Variants in NBR1 observed in about 807,000 individuals in gnomAD.
NBR1 encodes next to BRCA1 gene 1 protein.
A neutral mutation model predicts 115.5 loss-of-function variants in NBR1; 59 were observed. The ratio of observed to expected loss-of-function variants is 0.51; its 90% CI spans 0.41 to 0.63. The LOEUF (loss-of-function observed/expected upper bound fraction) is 0.63, where lower values mean the gene tolerates loss of function less well. Among genes scored for constraint, NBR1 ranks in the 30% least tolerant of loss-of-function variants. The pLI is 0.00. For missense variants in NBR1, 1,043 were observed against 1,150.5 expected, an observed-to-expected ratio of 0.91 and a Z score of 1.35; for synonymous variants, 373 against 414.7, an observed-to-expected ratio of 0.90 and a Z score of 1.22.
At chr17:43,195,336 C>T in intron 14 of NBR1, 1 of 354,444 alleles carries the variant, frequency 2.8e-6, no homozygotes. Flanking sequence ...ACCCCCATCT[C>T]TACAAAAATT....
chr17:43,179,584 A>C (rs1207095875), intron 4 of NBR1, among the ~76,000 whole-genome samples, 172 bp downstream of exon 4: 1 of 152,150 alleles, frequency 6.6e-6, no homozygotes. Context: ...TATATATAGG[A>C]TGATGCCTTT....
chr17:43,209,559 T>A, intron 20 of NBR1: 1 of 1,534,170 alleles, frequency 6.5e-7, no homozygotes, highest in Non-Finnish European at 8.7e-7. Context: ...GTTCACAGGG[T>A]CTCTGGGGCT....
At chr17:43,190,803 AT>A (rs2056927914) in intron 9 of NBR1, 27 bp downstream of exon 9, 5 of 1,551,440 alleles carry the variant, frequency 3.2e-6, no homozygotes, top group East Asian at 2.3e-5. Flanking sequence ...GGAGATGCTT[AT>A]TCTCTGATTG....
chr17:43,174,625 T>G (rs1395901895), intron 1 of NBR1, among the ~76,000 whole-genome samples: 1 of 151,718 alleles, frequency 6.6e-6, no homozygotes. Context: ...TAATATAAAA[T>G]AATTATATTA....
chr17:43,175,065 C>T (rs2056473775), intron 1 of NBR1, among the ~76,000 whole-genome samples: 1 of 152,064 alleles, frequency 6.6e-6, no homozygotes, highest in Non-Finnish European at 1.5e-5. Flanking sequence ...TGCCACTGCA[C>T]CCCAGCCTGG....
In NBR1 at chr17:43,193,526, G is replaced by A. The variant is rs1424202402; in HGVS notation, c.1412G>A (p.Arg471Gln). ...CACAAAGGCCAGCAATTTGGGCCTC[G>A]GGTCTGGTGCAGTATCATAGTAGAT... is the stretch of plus-strand genomic sequence containing the variant. ...LSHKGQQFGPRVWCSIIVDPF... is the reference protein window; with the variant it reads ...LSHKGQQFGPQVWCSIIVDPF... The change falls in exon 12 of 21, where the codon CGG becomes CAG. Residue 471 changes from arginine (R) to glutamine (Q), a missense_variant. By Grantham distance (43) the Arg-to-Gln change is conservative. Coordinates refer to ENST00000590996, the MANE Select transcript of NBR1 (RefSeq NM_005899.5). 6 of 1,613,296 alleles carry A rather than the reference G, an allele frequency of 3.7e-6. No individual in the cohort carries two copies. The highest frequency in any genetic ancestry group is 2.7e-5 in the African/African-American group (2 of 74,860).
intron 6 of NBR1, among the ~76,000 whole-genome samples, chr17:43,187,955 A>G (rs909061517): frequency 3.0e-5 from 4 of 134,378 alleles, no homozygotes; most frequent in African/African-American, 1.1e-4. Flanking sequence ...CAGTGGTGCA[A>G]TCCGGGCTCA....
chr17:43,172,383 G>A (rs1447523106), intron 1 of NBR1, among the ~76,000 whole-genome samples: 2 of 152,214 alleles, frequency 1.3e-5, no homozygotes, highest in Non-Finnish European at 2.9e-5. Context: ...GAGCTCCAGA[G>A]TATCTAAATT....
chr17:43,190,091 GCC>G (rs1597987654), intron 8 of NBR1: 15 of 326,884 alleles, frequency 4.6e-5, no homozygotes, highest in Middle Eastern at 9.7e-4. Context: ...TGTTCCAAAT[GCC>G]TTTTTTTTTT....
intron 6 of NBR1, among the ~76,000 whole-genome samples, chr17:43,188,036 G>T (rs1204128563): frequency 6.6e-6 from 1 of 151,648 alleles, no homozygotes; most frequent in African/African-American, 2.4e-5. Context: ...GATTACAGGC[G>T]CCCACTACCA....
chr17:43,198,221 T>C (rs556734133), intron 16 of NBR1, among the ~76,000 whole-genome samples: 1 of 151,722 alleles, frequency 6.6e-6, no homozygotes, highest in South Asian at 2.1e-4. Flanking sequence ...AGGTATCAGA[T>C]AGATAGAACC....
intron 20 of NBR1, among the ~76,000 whole-genome samples, chr17:43,205,320 C>G (rs1174522732): frequency 2.6e-5 from 4 of 152,124 alleles, no homozygotes; most frequent in East Asian, 1.9e-4. Context: ...TGCTACTGCA[C>G]TCCAGCCTGG....
chr17:43,211,661 G>A lies in NBR1; in HGVS notation c.*1587G>A, dbSNP rs2057418375. ...CTTGTACATAACCACCTAAAGAATG[G>A]TGAAATAAATGTTCTTGGAAATTCC... On this transcript the variant is annotated 3_prime_UTR_variant, in exon 21 of 21. Coordinates refer to ENST00000590996, the MANE Select transcript of NBR1 (RefSeq NM_005899.5). 1 of 152,158 alleles carries A rather than the reference G, an allele frequency of 6.6e-6. No homozygotes were observed. Among genetic ancestry groups the A allele is most frequent in the Admixed American group, 6.5e-5 (1 of 15,276 alleles). 9.4% of individuals were successfully genotyped at this position (152,158 alleles called of 1,614,324 possible). A position where few individuals can be genotyped will look rare whatever the true frequency, so the allele number is the denominator to read the frequency against.
chr17:43,186,478 GTTTCTTT>G (rs1183671170), intron 6 of NBR1, 34 bp downstream of exon 6: 1 of 1,409,116 alleles, frequency 7.1e-7, no homozygotes, highest in East Asian at 2.8e-5. Flanking sequence ...ATCCAATATC[GTTTCTTT>G]TTTCTTTTTT....
At chr17:43,202,484 C>T (rs2057225443) in intron 18 of NBR1, among the ~76,000 whole-genome samples, 171 bp from the exon 19 acceptor site, 1 of 151,638 alleles carries the variant, frequency 6.6e-6, no homozygotes, top group African/African-American at 2.4e-5. Context: ...ACAGTTTCTC[C>T]TTATCACTTA....
chr17:43,201,830 G>A, intron 18 of NBR1, 50 bp downstream of exon 18: 1 of 1,074,504 alleles, frequency 9.3e-7, no homozygotes, highest in Non-Finnish European at 1.4e-6. Context: ...CTGTCTAATG[G>A]AAACCAGGTA....
intron 1 of NBR1, among the ~76,000 whole-genome samples, chr17:43,172,633 A>G (rs1389329676): frequency 2.5e-4 from 38 of 152,116 alleles, no homozygotes; most frequent in Non-Finnish European, 1.8e-4. Flanking sequence ...GATTGTTGTT[A>G]AGAGACTAAT....
chr17:43,202,339 C>A (rs1373271738), intron 18 of NBR1, among the ~76,000 whole-genome samples: 1 of 152,104 alleles, frequency 6.6e-6, no homozygotes, highest in East Asian at 1.9e-4. Context: ...CCATCTCCCC[C>A]TTTCCTGACT....
intron 5 of NBR1, 98 bp from the exon 6 acceptor site, chr17:43,186,152 C>T: frequency 1.9e-6 from 2 of 1,028,736 alleles, no homozygotes; most frequent in Non-Finnish European, 2.8e-6. Context: ...TATTTTCTAG[C>T]ATAACTTACC....
Sources: allele counts gnomAD v4.1 joint callset (sites outside exome capture counted in the v4.1 genomes callset), GRCh38; gene constraint gnomAD v4.1.1; transcripts MANE v1.5; gene names NCBI Gene and HGNC (gene_info 2026-07-23, HGNC 2026-07-21).